Variants in PLA2G4E observed in about 807,000 individuals in gnomAD.
PLA2G4E encodes phospholipase A2 group IVE, also known as cytosolic phospholipase A2 epsilon.
In PLA2G4E, 84 loss-of-function variants were observed where a neutral mutation model predicts 109.1. That is an observed-to-expected ratio of 0.77 (90% confidence interval 0.65 to 0.92). The LOEUF is 0.92. Ranked by LOEUF, PLA2G4E falls within the 40% of genes least tolerant of loss-of-function variation. The pLI, the probability that PLA2G4E is intolerant of heterozygous loss-of-function variation, is 0.00. For synonymous variants in PLA2G4E, 469 were observed against 436.1 expected, an observed-to-expected ratio of 1.08 and a Z score of -0.94; for missense variants, 1,057 against 1,076.6, an observed-to-expected ratio of 0.98 and a Z score of 0.25.
At chr15:42,002,178 G>A (rs558232495) in intron 6 of PLA2G4E, among the ~76,000 whole-genome samples, 10 of 148,516 alleles carry the variant, frequency 6.7e-5, no homozygotes, top group South Asian at 2.2e-4. Flanking sequence ...GGGTGGTGGC[G>A]TGCTTGAGCA....
chr15:41,995,625 G>A (rs183293759), intron 11 of PLA2G4E, 129 bp from the exon 12 acceptor site: 45 of 1,209,128 alleles, frequency 3.7e-5, no homozygotes, highest in South Asian at 2.5e-4. Context: ...CAGGGAGTGC[G>A]GCGTTGAGCC....
chr15:42,043,429 G>T (rs1377269749), intron 1 of PLA2G4E, among the ~76,000 whole-genome samples: 2 of 151,888 alleles, frequency 1.3e-5, no homozygotes, highest in African/African-American at 4.8e-5. Flanking sequence ...GCCTTTCTCA[G>T]AACCAGCCCT....
chr15:42,001,080 G>A lies in PLA2G4E; in HGVS notation c.673+77C>T, dbSNP rs113128673. The A allele has an allele frequency of 5.2e-5, 75 of 1,443,550 alleles. 1 individual carries two copies. The highest frequency in any genetic ancestry group is 3.9e-4 in the African/African-American group (28 of 71,184). The allele number at this position is 1,443,550 out of a possible 1,614,324, so 89.4% of individuals were successfully genotyped here. A position where few individuals can be genotyped will look rare whatever the true frequency, so the allele number is the denominator to read the frequency against. ...TGAGCCCAGGGAAGCCCTGGACTAGGTGGAGTCTGATGCTGATGGGATTTG... is the reference window on the plus strand; with the variant it reads ...TGAGCCCAGGGAAGCCCTGGACTAGATGGAGTCTGATGCTGATGGGATTTG... On this transcript the variant is annotated intron_variant, in intron 7 of 19. Transcript: ENST00000399518.
At chr15:41,991,848 C>T (rs956407186) in intron 13 of PLA2G4E, among the ~76,000 whole-genome samples, 8 of 152,176 alleles carry the variant, frequency 5.3e-5, no homozygotes, top group African/African-American at 1.9e-4. Context: ...GGAAGCTCTC[C>T]TCTGGGGCCA....
intron 6 of PLA2G4E, among the ~76,000 whole-genome samples, chr15:42,001,954 A>G (rs367593180): frequency 5.3e-5 from 8 of 152,314 alleles, no homozygotes; most frequent in African/African-American, 1.9e-4. Flanking sequence ...TGGCCTCCCA[A>G]AGTGCTGGGA....
chr15:41,983,961 G>C, exon 20 of PLA2G4E: 1 of 1,607,526 alleles, frequency 6.2e-7, no homozygotes, highest in South Asian at 1.1e-5. Flanking sequence ...GCTCCTCAGG[G>C]CTTCGCTCTA....
intron 19 of PLA2G4E, 72 bp downstream of exon 19, chr15:41,984,364 A>T: frequency 6.9e-6 from 10 of 1,456,598 alleles, no homozygotes; most frequent in Non-Finnish European, 9.4e-6. Context: ...GCCCTTAGAG[A>T]CTCTACAGAT....
Position 42,013,777 on chromosome 15 carries a change from A to G in PLA2G4E, c.184-20T>C. The G allele has an allele frequency of 6.5e-7, 1 of 1,541,046 alleles. No individual in the cohort carries two copies. Among genetic ancestry groups the G allele is most frequent in the Non-Finnish European group, 8.8e-7 (1 of 1,140,340 alleles). On this transcript the variant is annotated intron_variant, in intron 1 of 19. Transcript: ENST00000399518. ...CCCCTCCTGTGGAAGGAGAGGACAG[A>G]GGACTCAGTCTTCAAGCATTACTCC...
chr15:41,989,599 C>T (rs764855983), intron 14 of PLA2G4E, 47 bp from the exon 15 acceptor site: 43 of 1,579,370 alleles, frequency 2.7e-5, no homozygotes, highest in East Asian at 4.6e-5. Flanking sequence ...GCCAGGGAGC[C>T]GTCCACACAG....
At chr15:42,031,562 C>T (rs1348932901) in intron 1 of PLA2G4E, among the ~76,000 whole-genome samples, 7 of 152,150 alleles carry the variant, frequency 4.6e-5, no homozygotes, top group Admixed American at 4.6e-4. Flanking sequence ...TCCCTTTTCC[C>T]TCCTCCATCC....
chr15:42,008,608 CT>C (rs1458246117), intron 2 of PLA2G4E, among the ~76,000 whole-genome samples: 1 of 152,204 alleles, frequency 6.6e-6, no homozygotes, highest in Non-Finnish European at 1.5e-5. Context: ...CCAACAAGCC[CT>C]CCCAAAATGA....
chr15:42,004,638 C>T (rs980860715), intron 5 of PLA2G4E, among the ~76,000 whole-genome samples: 1 of 152,136 alleles, frequency 6.6e-6, no homozygotes, highest in African/African-American at 2.4e-5. Flanking sequence ...AGGAACTCTT[C>T]CCAGAAGCCA....
In PLA2G4E at chr15:42,010,132, G is replaced by GCCCCC. The variant is rs202221046; in HGVS notation, c.257-2272_257-2268dup. ...TTCCCTTGGCTTTTCCAGAACACTG[G>GCCCCC]CCCCCCCACCCCGGGCCTGGACCAC... On this transcript the variant is annotated intron_variant, in intron 2 of 19. Transcript: ENST00000399518. 184 of 428,118 alleles carry GCCCCC rather than the reference G, an allele frequency of 4.3e-4. 7 individuals are homozygous for GCCCCC. The highest frequency in any genetic ancestry group is 1.5e-3 in the African/African-American group (50 of 34,408). The allele number at this position is 428,118 out of a possible 1,614,324, so 26.5% of individuals were successfully genotyped here.
exon 1 of PLA2G4E, chr15:42,050,638 T>C (rs1198049582): frequency 6.4e-7 from 1 of 1,550,624 alleles, no homozygotes; most frequent in South Asian, 1.2e-5. Flanking sequence ...CATCCGTTTG[T>C]GGGCTCTGTG....
chr15:41,988,124 G>T (rs1427808036), exon 16 of PLA2G4E: 1 of 1,604,502 alleles, frequency 6.2e-7, no homozygotes, highest in Non-Finnish European at 8.5e-7. Context: ...CAGGCATCCA[G>T]CAGGTTCAGG....
exon 3 of PLA2G4E, chr15:42,007,787 T>G: frequency 6.2e-7 from 1 of 1,612,364 alleles, no homozygotes; most frequent in Non-Finnish European, 8.5e-7. Flanking sequence ...ATTTGGGCAG[T>G]TGGAGATGGT....
chr15:42,033,786 C>T (rs1176501395), intron 1 of PLA2G4E, among the ~76,000 whole-genome samples: 1 of 152,212 alleles, frequency 6.6e-6, no homozygotes, highest in Non-Finnish European at 1.5e-5. Context: ...CCTGTGAAAG[C>T]AGCCCCTGGC....
intron 1 of PLA2G4E, among the ~76,000 whole-genome samples, chr15:42,048,091 T>C (rs1227405972): frequency 2.0e-5 from 3 of 152,228 alleles, no homozygotes; most frequent in Non-Finnish European, 4.4e-5. Flanking sequence ...AAGATCAGAA[T>C]ATACTTTTTT....
chr15:41,987,237 T>G, exon 17 of PLA2G4E: 1 of 1,613,840 alleles, frequency 6.2e-7, no homozygotes, highest in South Asian at 1.1e-5. Context: ...AGACAGGAAG[T>G]TGTGAAACTC....
Sources: gnomAD v4.1 joint callset for allele counts (sites outside exome capture counted in the v4.1 genomes callset) on GRCh38, gnomAD v4.1.1 for gene constraint, MANE v1.5 for transcripts, NCBI Gene and HGNC (gene_info 2026-07-23, HGNC 2026-07-21) for gene names.